Variants in GRM7 observed in about 807,000 individuals in gnomAD.
The protein encoded by GRM7 is glutamate metabotropic receptor 7.
A neutral mutation model predicts 84.5 loss-of-function variants in GRM7; 35 were observed. The observed-to-expected ratio is 0.41, with a 90% CI of 0.32 to 0.55. The LOEUF (loss-of-function observed/expected upper bound fraction) is 0.55, where lower values mean the gene tolerates loss of function less well. Among genes scored for constraint, GRM7 ranks in the 20% least tolerant of loss-of-function variants. The probability of loss-of-function intolerance (pLI) is 0.19; values close to 1 mark genes in which losing one functional copy is unlikely to be tolerated. For missense variants in GRM7, 1,003 were observed against 1,194.6 expected (o/e 0.84, Z 2.36); for synonymous variants, 487 against 455.1 (o/e 1.07, Z -0.89).
intron 7 of GRM7, among the ~76,000 whole-genome samples, chr3:7,510,783 T>C (rs116240473): frequency 0.01 from 1,534 of 152,296 alleles, 27 homozygotes; most frequent in African/African-American, 0.034. Context: ...ATAAAGATTA[T>C]ATGAAATTCA....
intron 7 of GRM7, among the ~76,000 whole-genome samples, chr3:7,530,775 A>AT (rs1273522682): frequency 1.2e-4 from 17 of 146,478 alleles, no homozygotes; most frequent in Non-Finnish European, 2.1e-4. Context: ...TCTTTTGTCC[A>AT]TTTTTTGATG....
chr3:7,696,240 C>T (rs944602091), intron 9 of GRM7, among the ~76,000 whole-genome samples: 4 of 152,120 alleles, frequency 2.6e-5, no homozygotes, highest in East Asian at 1.9e-4. Flanking sequence ...GTAGAGTGTA[C>T]GACATATATT....
At chr3:7,337,543 A>G (rs951864033) in intron 4 of GRM7, among the ~76,000 whole-genome samples, 1 of 152,008 alleles carries the variant, frequency 6.6e-6, no homozygotes, top group Non-Finnish European at 1.5e-5. Flanking sequence ...CCAAAAATCT[A>G]TAAGGAACTC....
chr3:7,433,258 A>G (rs1696904487), intron 5 of GRM7, among the ~76,000 whole-genome samples: 1 of 152,230 alleles, frequency 6.6e-6, no homozygotes, highest in South Asian at 2.1e-4. Flanking sequence ...AGGTGCACCC[A>G]TGGAAAACAT....
intron 7 of GRM7, among the ~76,000 whole-genome samples, chr3:7,567,545 T>C (rs1145142): frequency 0.43 from 64,569 of 151,520 alleles, 14,302 homozygotes; most frequent in African/African-American, 0.55. Flanking sequence ...GCCAGGAGTT[T>C]GAGACCAGCC....
chr3:7,688,637 G>GA (rs1414386415), intron 9 of GRM7, among the ~76,000 whole-genome samples: 1 of 152,182 alleles, frequency 6.6e-6, no homozygotes, highest in African/African-American at 2.4e-5. Flanking sequence ...GGAGGGCAAT[G>GA]AAAGAAGTCT....
At chr3:7,525,289 G>A (rs1191553446) in intron 7 of GRM7, among the ~76,000 whole-genome samples, 2 of 151,936 alleles carry the variant, frequency 1.3e-5, no homozygotes, top group Non-Finnish European at 2.9e-5. Context: ...AAAAATCTGT[G>A]GTACACGTGT....
At chr3:6,968,502 C>G (rs1424058655) in intron 1 of GRM7, among the ~76,000 whole-genome samples, 2 of 152,170 alleles carry the variant, frequency 1.3e-5, no homozygotes, top group Non-Finnish European at 2.9e-5. Context: ...AATAATCGCA[C>G]TTCTTTCATT....
chr3:7,255,934 C>A (rs149711720), intron 2 of GRM7, among the ~76,000 whole-genome samples: 1 of 152,182 alleles, frequency 6.6e-6, no homozygotes, highest in Non-Finnish European at 1.5e-5. Context: ...CAAACTATGC[C>A]ACTCTCTGCT....
At chr3:7,529,802 G>A (rs143007016) in intron 7 of GRM7, among the ~76,000 whole-genome samples, 272 of 152,002 alleles carry the variant, frequency 1.8e-3, no homozygotes, top group African/African-American at 6.2e-3. Flanking sequence ...CTCCTGGCAT[G>A]ACTGAAAAAT....
At chr3:7,294,312 T>C (rs1378481111) in intron 2 of GRM7, among the ~76,000 whole-genome samples, 1 of 152,152 alleles carries the variant, frequency 6.6e-6, no homozygotes, top group Non-Finnish European at 1.5e-5. Flanking sequence ...TTATACCCCT[T>C]CTGTTGCTGA....
At chr3:7,154,657 T>C (rs1694392404) in intron 2 of GRM7, among the ~76,000 whole-genome samples, 2 of 152,090 alleles carry the variant, frequency 1.3e-5, no homozygotes, top group South Asian at 4.2e-4. Flanking sequence ...CATAGAGGGG[T>C]AGAGACTCAA....
At chr3:7,272,284 A>T (rs935260196) in intron 2 of GRM7, among the ~76,000 whole-genome samples, 3 of 152,044 alleles carry the variant, frequency 2.0e-5, no homozygotes, top group Non-Finnish European at 4.4e-5. Flanking sequence ...ATGCATGCTC[A>T]TTTTCCACAA....
At chr3:7,405,527 C>T (rs994641460) in intron 4 of GRM7, among the ~76,000 whole-genome samples, 10 of 151,972 alleles carry the variant, frequency 6.6e-5, no homozygotes, top group South Asian at 2.1e-4. Context: ...TTGTAGGGAG[C>T]GGTGACATGA....
intron 1 of GRM7, among the ~76,000 whole-genome samples, chr3:6,951,063 C>T (rs146421940): frequency 0.012 from 1,837 of 152,206 alleles, 30 homozygotes; most frequent in African/African-American, 0.041. Flanking sequence ...ACCCACTGTC[C>T]GGCACTCCCC....
chr3:7,408,023 A>G (rs1695756541), intron 4 of GRM7, among the ~76,000 whole-genome samples: 1 of 152,180 alleles, frequency 6.6e-6, no homozygotes, highest in Admixed American at 6.5e-5. Context: ...AATCCTATGA[A>G]GTCTATATTA....
At chr3:7,398,317 A>T (rs1250349972) in intron 4 of GRM7, among the ~76,000 whole-genome samples, 1 of 152,178 alleles carries the variant, frequency 6.6e-6, no homozygotes, top group Non-Finnish European at 1.5e-5. Flanking sequence ...AAAGGTTTGA[A>T]ATCAGATAAT....
chr3:7,096,106 C>T (rs2125014226), intron 1 of GRM7, among the ~76,000 whole-genome samples: 1 of 152,120 alleles, frequency 6.6e-6, no homozygotes, highest in East Asian at 1.9e-4. Context: ...TCTATCATGC[C>T]AGTGAAAATA....
At chr3:7,303,930 C>T (rs1700096506) in intron 3 of GRM7, among the ~76,000 whole-genome samples, 2 of 112,010 alleles carry the variant, frequency 1.8e-5, no homozygotes. Flanking sequence ...TATCCTGTAG[C>T]TTCTTTTTTT....
Sources: allele counts gnomAD v4.1 joint callset (sites outside exome capture counted in the v4.1 genomes callset), GRCh38; gene constraint gnomAD v4.1.1; transcripts MANE v1.5; gene names NCBI Gene and HGNC (gene_info 2026-07-23, HGNC 2026-07-21).